Variants in SNX14 observed in about 807,000 individuals in gnomAD.
The protein encoded by SNX14 is sorting nexin 14, also known as sorting nexin-14.
Under a neutral mutation model 133.8 loss-of-function variants are expected in SNX14, and 93 were observed. The ratio of observed to expected loss-of-function variants is 0.70; its 90% CI spans 0.59 to 0.83. The LOEUF (loss-of-function observed/expected upper bound fraction) is 0.83. SNX14 is among the 40% of genes least tolerant of loss of function. SNX14 has a pLI of 0.00. For missense variants in SNX14, 945 were observed against 1,094.9 expected, an observed-to-expected ratio of 0.86 and a Z score of 1.93; for synonymous variants, 368 against 365.6, an observed-to-expected ratio of 1.01 and a Z score of -0.07.
chr6:85,585,814 G>A (rs1583143015), intron 1 of SNX14, among the ~76,000 whole-genome samples: 1 of 152,022 alleles, frequency 6.6e-6, no homozygotes, highest in African/African-American at 2.4e-5. Context: ...TTAAGTAACT[G>A]ATTCAAGAAA....
intron 5 of SNX14, 43 bp from the exon 6 acceptor site, chr6:85,565,462 TAC>T (rs1335333923): frequency 6.9e-7 from 1 of 1,439,342 alleles, no homozygotes; most frequent in South Asian, 1.3e-5. Flanking sequence ...TTCAGAGAAA[TAC>T]AGTTTCACCT....
At chr6:85,582,666 T>C (rs1434547767) in intron 1 of SNX14, among the ~76,000 whole-genome samples, 1 of 151,878 alleles carries the variant, frequency 6.6e-6, no homozygotes, top group African/African-American at 2.4e-5. Flanking sequence ...TGAAATAAAC[T>C]AGAAAATCTA....
intron 6 of SNX14, among the ~76,000 whole-genome samples, chr6:85,564,983 T>A (rs1159994473): frequency 6.8e-6 from 1 of 147,312 alleles, no homozygotes; most frequent in African/African-American, 2.6e-5. Context: ...AGCAAAACTC[T>A]GTCTAAAAAA....
intron 7 of SNX14, among the ~76,000 whole-genome samples, chr6:85,557,345 A>G (rs1435214095): frequency 6.6e-6 from 1 of 152,226 alleles, no homozygotes; most frequent in Non-Finnish European, 1.5e-5. Context: ...TCATTCACTC[A>G]GAAAAGATCC....
chr6:85,509,509 T>C (rs1040610239), intron 26 of SNX14, among the ~76,000 whole-genome samples: 7 of 151,230 alleles, frequency 4.6e-5, no homozygotes, highest in Admixed American at 4.0e-4. Flanking sequence ...TCCTAAGACC[T>C]CCTCTTTTTA....
intron 23 of SNX14, 61 bp from the exon 24 acceptor site, chr6:85,514,690 C>A: frequency 6.6e-7 from 1 of 1,525,906 alleles, no homozygotes; most frequent in South Asian, 1.2e-5. Flanking sequence ...TGACGATAAT[C>A]AATAAGGATT....
intron 26 of SNX14, among the ~76,000 whole-genome samples, chr6:85,509,565 T>C (rs564908194): frequency 6.6e-6 from 1 of 152,318 alleles, no homozygotes; most frequent in South Asian, 2.1e-4. Flanking sequence ...ACAATGAAAC[T>C]GAGCAGAAGG....
intron 7 of SNX14, among the ~76,000 whole-genome samples, chr6:85,554,824 TTTC>T (rs887653048): frequency 1.1e-4 from 17 of 152,264 alleles, no homozygotes; most frequent in Middle Eastern, 6.8e-3. Flanking sequence ...TCCTTTTTTC[TTTC>T]TTCTTTTTTT....
At chr6:85,517,581 G>C in intron 23 of SNX14, 175 bp downstream of exon 23, 1 of 586,026 alleles carries the variant, frequency 1.7e-6, no homozygotes, top group Non-Finnish European at 2.6e-6. Flanking sequence ...TTAAAGCAAA[G>C]AACCAAGTAA....
At position 85,593,737 on chromosome 6, in the gene SNX14, G is replaced by T; in HGVS notation, c.-19C>A. The T allele has an allele frequency of 6.2e-7, 1 of 1,613,148 alleles. No individual in the cohort carries two copies. The highest frequency in any genetic ancestry group is 8.5e-7 in the Non-Finnish European group (1 of 1,179,904). On this transcript the variant is annotated 5_prime_UTR_variant, in exon 1 of 29. Transcript: ENST00000314673. Reference sequence around the variant, plus strand: ...GCACCATCTCCGTAACGGCGAGGCCGAGACTGCGCTACTGGCTGAGGCAGA... The same window carrying T: ...GCACCATCTCCGTAACGGCGAGGCCTAGACTGCGCTACTGGCTGAGGCAGA...
rs751126640 is a variant in SNX14 at position 85,507,316 on chromosome 6, A to C, written c.2746-27T>G. On this transcript the variant is annotated intron_variant, in intron 27 of 28. Coordinates refer to ENST00000314673, the MANE Select transcript of SNX14 (RefSeq NM_153816.6). ...TAAAGCACCAAAAAATAATAATAAT[A>C]AATGTTAAGGCACTAAACACAAAAA... 8 of 1,573,370 alleles carry C rather than the reference A, an allele frequency of 5.1e-6. No individual in the cohort carries two copies. The East Asian group carries it at 6.7e-5, about 13-fold the overall frequency.
intron 18 of SNX14, 26 bp from the exon 19 acceptor site, chr6:85,530,301 A>G (rs903794256): frequency 1.7e-5 from 24 of 1,377,426 alleles, no homozygotes; most frequent in Middle Eastern, 1.8e-4. Context: ...ACACACACTG[A>G]GTAACAAATA....
At chr6:85,508,458 ATGTAAGGATT>A in intron 26 of SNX14, 1 of 870,830 alleles carries the variant, frequency 1.1e-6, no homozygotes, top group Non-Finnish European at 1.4e-6. Flanking sequence ...GCATGGAAAA[ATGTAAGGATT>A]AACACCCAAT....
At chr6:85,565,939 T>C (rs547167079) in intron 5 of SNX14, among the ~76,000 whole-genome samples, 1 of 152,334 alleles carries the variant, frequency 6.6e-6, no homozygotes, top group Admixed American at 6.5e-5. Context: ...TTCATTTTCC[T>C]GATGTTTGGA....
chr6:85,561,893 T>C (rs1341056931), intron 6 of SNX14, among the ~76,000 whole-genome samples: 1 of 151,918 alleles, frequency 6.6e-6, no homozygotes, highest in African/African-American at 2.4e-5. Context: ...GCAGGCTCAT[T>C]ACATGAGTAA....
intron 6 of SNX14, among the ~76,000 whole-genome samples, chr6:85,562,582 C>CTTTTTTTTTTTTTTTTTTTTT (rs201175458): frequency 1.1e-5 from 1 of 94,846 alleles, no homozygotes; most frequent in Non-Finnish European, 2.0e-5. Flanking sequence ...ACTTTTTGGG[C>CTTTTTTTTTTTTTTTTTTTTT]TTTTTTTTTT....
chr6:85,584,949 C>G (rs1046806745), intron 1 of SNX14, among the ~76,000 whole-genome samples: 1 of 152,164 alleles, frequency 6.6e-6, no homozygotes, highest in Admixed American at 6.5e-5. Flanking sequence ...CACATGCACA[C>G]GTTTGTGTAT....
intron 16 of SNX14, among the ~76,000 whole-genome samples, chr6:85,537,913 T>C (rs986578988): frequency 1.3e-5 from 2 of 152,068 alleles, no homozygotes; most frequent in African/African-American, 4.8e-5. Flanking sequence ...GGCAACAGAG[T>C]GAGGCTCCAT....
intron 1 of SNX14, chr6:85,589,698 TC>T (rs1802210873): frequency 1.3e-5 from 2 of 152,264 alleles, no homozygotes; most frequent in South Asian, 4.1e-4. Flanking sequence ...TTTCATGATT[TC>T]CTTGATTGGC....
Sources: gnomAD v4.1 joint callset for allele counts (sites outside exome capture counted in the v4.1 genomes callset) on GRCh38, gnomAD v4.1.1 for gene constraint, MANE v1.5 for transcripts, NCBI Gene and HGNC (gene_info 2026-07-23, HGNC 2026-07-21) for gene names.